Variants in USP34 observed in about 807,000 individuals in gnomAD.
USP34 encodes the protein ubiquitin specific peptidase 34, also known as ubiquitin carboxyl-terminal hydrolase 34.
A neutral mutation model predicts 460.3 loss-of-function variants in USP34; 70 were observed. The ratio of observed to expected loss-of-function variants is 0.15; its 90% CI spans 0.13 to 0.19. USP34 has a LOEUF of 0.19. Among genes scored for constraint, USP34 ranks in the 10% least tolerant of loss-of-function variants. USP34 has a pLI of 1.00. For synonymous variants in USP34, 1,647 were observed against 1,405.3 expected (o/e 1.17, Z -3.85); for missense variants, 3,985 against 4,236.2 (o/e 0.94, Z 1.65).
chr2:61,233,843 T>TA (rs11302574), intron 57 of USP34, among the ~76,000 whole-genome samples: 1,563 of 140,168 alleles, frequency 0.011, 18 homozygotes, highest in African/African-American at 0.034. Flanking sequence ...ACTCTGGGGG[T>TA]AAAAAAAAAA....
intron 10 of USP34, among the ~76,000 whole-genome samples, chr2:61,361,907 T>C (rs930876558): frequency 4.6e-5 from 7 of 152,064 alleles, no homozygotes; most frequent in African/African-American, 1.7e-4. Flanking sequence ...TTACAAACCA[T>C]GTATTGATTA....
intron 1 of USP34, among the ~76,000 whole-genome samples, chr2:61,442,510 T>A (rs188700680): frequency 6.7e-6 from 1 of 149,718 alleles, no homozygotes; most frequent in East Asian, 2.0e-4. Flanking sequence ...GTGAAAAAAA[T>A]GTTCAACATC....
chr2:61,388,099 C>G (rs1332177720), intron 5 of USP34, among the ~76,000 whole-genome samples: 2 of 152,024 alleles, frequency 1.3e-5, no homozygotes, highest in Non-Finnish European at 2.9e-5. Context: ...AACCCCACAT[C>G]TGCTTAGCGG....
chr2:61,232,223 C>T (rs1285520276), intron 58 of USP34, among the ~76,000 whole-genome samples: 1 of 152,116 alleles, frequency 6.6e-6, no homozygotes, highest in East Asian at 1.9e-4. Flanking sequence ...TACAGTCAAT[C>T]TTCCTATATC....
intron 50 of USP34, 83 bp downstream of exon 50, chr2:61,246,241 A>C (rs1188806208): frequency 9.1e-6 from 11 of 1,209,480 alleles, no homozygotes; most frequent in Non-Finnish European, 1.2e-5. Context: ...TTTTGTGGCA[A>C]GTTTTTAGAA....
At chr2:61,219,763 TAGAA>T (rs1220292041) in intron 67 of USP34, among the ~76,000 whole-genome samples, 4 of 152,086 alleles carry the variant, frequency 2.6e-5, no homozygotes, top group African/African-American at 9.7e-5. Flanking sequence ...AGCAAATAGA[TAGAA>T]AATGTTTATA....
chr2:61,271,084 G>A (rs1689198351), intron 41 of USP34, among the ~76,000 whole-genome samples: 1 of 151,932 alleles, frequency 6.6e-6, no homozygotes. Context: ...AGGAATTCGA[G>A]ACCAGCATGG....
intron 50 of USP34, among the ~76,000 whole-genome samples, chr2:61,245,540 A>T (rs1688396887): frequency 6.6e-6 from 1 of 151,990 alleles, no homozygotes; most frequent in Non-Finnish European, 1.5e-5. Flanking sequence ...AAAGAAATAA[A>T]AAAGTTTGCT....
chr2:61,352,806 G>C (rs1403593671), intron 10 of USP34, among the ~76,000 whole-genome samples: 1 of 151,702 alleles, frequency 6.6e-6, no homozygotes, highest in Non-Finnish European at 1.5e-5. Flanking sequence ...AAGAGGAGGA[G>C]GACAAGGAGG....
At chr2:61,406,238 A>AT in intron 2 of USP34, 110 bp from the exon 3 acceptor site, 6 of 1,003,558 alleles carry the variant, frequency 6.0e-6, no homozygotes, top group Non-Finnish European at 8.3e-6. Flanking sequence ...ACTTGTTTTT[A>AT]TTTTTTCCTT....
chr2:61,405,816 T>A lies in USP34; in HGVS notation c.444A>T (p.Leu148Phe). Residue 148 changes from leucine to phenylalanine, a missense_variant, in exon 3 of 80, where the codon TTA (leucine) becomes TTT (phenylalanine). Leu to Phe is a conservative substitution (Grantham distance 22). Transcript: ENST00000398571. ...GTTTTTCCTTCTCATCTGTACTCCA[T>A]AAACTAAAAGGATCAGAACTCTTTG... ...ESSKSSDPFS[L>F]WSTDEKEKLL... is the part of the protein sequence containing the mutation. 6.2e-7 allele frequency: 1 copy of A among 1,613,634 alleles called. No homozygotes were observed. Among genetic ancestry groups the A allele is most frequent in the Non-Finnish European group, 8.5e-7 (1 of 1,179,888 alleles).
intron 1 of USP34, among the ~76,000 whole-genome samples, chr2:61,465,008 G>GATA (rs1255602749): frequency 6.6e-6 from 1 of 152,050 alleles, no homozygotes; most frequent in East Asian, 1.9e-4. Context: ...CCCACAAAAT[G>GATA]ATAACAGCAA....
At chr2:61,392,010 T>C (rs1215810034) in intron 5 of USP34, among the ~76,000 whole-genome samples, 1 of 152,124 alleles carries the variant, frequency 6.6e-6, no homozygotes, top group Non-Finnish European at 1.5e-5. Context: ...CTCAGTTGAG[T>C]TGCAAGATAA....
chr2:61,222,784 C>G, intron 64 of USP34, 121 bp from the exon 65 acceptor site: 2 of 899,648 alleles, frequency 2.2e-6, no homozygotes, highest in South Asian at 3.2e-5. Flanking sequence ...GCAGCCTCCA[C>G]TTCTCAGGCT....
At chr2:61,320,092 T>C (rs1336746918) in intron 21 of USP34, among the ~76,000 whole-genome samples, 2 of 152,190 alleles carry the variant, frequency 1.3e-5, no homozygotes, top group East Asian at 3.8e-4. Context: ...AATAACAAAT[T>C]CAGTGGGCTC....
chr2:61,309,540 G>C (rs1020181136), intron 27 of USP34, among the ~76,000 whole-genome samples: 1 of 152,140 alleles, frequency 6.6e-6, no homozygotes, highest in Non-Finnish European at 1.5e-5. Context: ...TCTTCTCTAT[G>C]TTACAAAAGA....
At chr2:61,228,129 T>C (rs999342594) in intron 61 of USP34, among the ~76,000 whole-genome samples, 15 of 152,224 alleles carry the variant, frequency 9.9e-5, no homozygotes, top group Non-Finnish European at 1.5e-4. Context: ...AAGTTTCAAT[T>C]GTCTCATCTG....
At position 61,391,336 on chromosome 2, in the gene USP34, G is replaced by C. The variant is rs550725055; in HGVS notation, c.753+3517C>G. Among the ~76,000 whole-genome samples, 22 of 152,148 alleles carry C rather than the reference G, an allele frequency of 1.4e-4. No homozygotes were observed. In the South Asian group the frequency reaches 4.4e-3, roughly 30 times the overall value. On this transcript the variant is annotated intron_variant, in intron 5 of 79. Coordinates refer to ENST00000398571, the MANE Select transcript of USP34 (RefSeq NM_014709.4). Reference sequence around the variant, plus strand: ...AATAAATATATAGCTTTTTCTTTAAGTGAGGAGGAAATCATACTAGAAAAT... The same window carrying C: ...AATAAATATATAGCTTTTTCTTTAACTGAGGAGGAAATCATACTAGAAAAT...
At chr2:61,413,123 C>T (rs906425348) in intron 2 of USP34, among the ~76,000 whole-genome samples, 2 of 152,174 alleles carry the variant, frequency 1.3e-5, no homozygotes, top group South Asian at 2.1e-4. Flanking sequence ...AGGCCGGGCG[C>T]GGTGGCTCAT....
Sources: allele counts gnomAD v4.1 joint callset (sites outside exome capture counted in the v4.1 genomes callset), GRCh38; gene constraint gnomAD v4.1.1; transcripts MANE v1.5; gene names NCBI Gene and HGNC (gene_info 2026-07-23, HGNC 2026-07-21).